The following KIAA1328 variants were observed in gnomAD, a reference collection of about 807,000 sequenced individuals.
The protein encoded by KIAA1328 is protein hinderin.
A neutral mutation model predicts 68.1 loss-of-function variants in KIAA1328; 52 were observed. That is an observed-to-expected ratio of 0.76 (90% CI 0.61 to 0.96). The LOEUF is 0.96. KIAA1328 is among the 40% of genes least tolerant of loss of function. KIAA1328 has a pLI of 0.00. For missense variants in KIAA1328, 641 were observed against 677.6 expected (o/e 0.95, Z 0.60); for synonymous variants, 232 against 239.4 (o/e 0.97, Z 0.28).
At chr18:37,000,834 T>C (rs967829724) in intron 6 of KIAA1328, among the ~76,000 whole-genome samples, 1 of 151,756 alleles carries the variant, frequency 6.6e-6, no homozygotes, top group East Asian at 1.9e-4. Flanking sequence ...TTAAAAAGAT[T>C]TGAAACAAAA....
intron 6 of KIAA1328, among the ~76,000 whole-genome samples, chr18:36,972,992 C>T (rs775934685): frequency 1.1e-4 from 17 of 152,028 alleles, no homozygotes; most frequent in East Asian, 3.9e-4. Context: ...AAGATGCTGC[C>T]GTGGTAGCTG....
At chr18:36,987,573 C>G (rs10460023) in intron 6 of KIAA1328, among the ~76,000 whole-genome samples, 1 of 151,510 alleles carries the variant, frequency 6.6e-6, no homozygotes. Context: ...TAATATAAAT[C>G]TCTAGAAAAA....
intron 7 of KIAA1328, among the ~76,000 whole-genome samples, chr18:37,155,163 C>T (rs746683719): frequency 1.2e-4 from 18 of 152,176 alleles, no homozygotes; most frequent in Non-Finnish European, 2.4e-4. Flanking sequence ...CACCTCTCTT[C>T]TCAATACCTG....
chr18:36,953,995 C>CTTTTTTTTTTTTTTTTTTTTTTT (rs71168249), intron 5 of KIAA1328, among the ~76,000 whole-genome samples: 3 of 113,548 alleles, frequency 2.6e-5, no homozygotes, highest in Non-Finnish European at 5.2e-5. Flanking sequence ...CTGATTGTTT[C>CTTTTTTTTTTTTTTTTTTTTTTT]TTTTTTTTTT....
intron 6 of KIAA1328, among the ~76,000 whole-genome samples, chr18:37,037,192 A>G (rs1177608914): frequency 6.6e-6 from 1 of 152,214 alleles, no homozygotes; most frequent in African/African-American, 2.4e-5. Flanking sequence ...TCCTCAAATC[A>G]AATGACTTTT....
intron 5 of KIAA1328, among the ~76,000 whole-genome samples, chr18:36,954,248 C>T (rs1456986266): frequency 2.6e-5 from 4 of 151,986 alleles, no homozygotes; most frequent in African/African-American, 4.8e-5. Flanking sequence ...GTGATCCACC[C>T]GCCTCGGCCT....
chr18:37,226,715 C>CTT (rs763991741), downstream of KIAA1328, among the ~76,000 whole-genome samples: 2,782 of 128,656 alleles, frequency 0.022, 39 homozygotes, highest in Non-Finnish European at 0.031. Context: ...GGGTTGTTCC[C>CTT]TTTTTTTTTT....
At chr18:37,227,991 G>GT (rs2060648231), downstream of KIAA1328, among the ~76,000 whole-genome samples, 1 of 152,154 alleles carries the variant, frequency 6.6e-6, no homozygotes. Context: ...ATTAACAGGA[G>GT]TTTGGAAGAA....
At chr18:37,001,315 G>A (rs1407439021) in intron 6 of KIAA1328, among the ~76,000 whole-genome samples, 1 of 152,006 alleles carries the variant, frequency 6.6e-6, no homozygotes, top group African/African-American at 2.4e-5. Flanking sequence ...TACCAAGATT[G>A]AATCAGGAAG....
At chr18:37,049,239 A>G (rs1245822962) in intron 6 of KIAA1328, among the ~76,000 whole-genome samples, 1 of 152,198 alleles carries the variant, frequency 6.6e-6, no homozygotes, top group Non-Finnish European at 1.5e-5. Context: ...AAAGTTCAAC[A>G]ATAAAGGAAT....
chr18:37,158,022 TTTTCTTTC>T (rs1051116991), intron 7 of KIAA1328, among the ~76,000 whole-genome samples: 1 of 151,812 alleles, frequency 6.6e-6, no homozygotes, highest in Non-Finnish European at 1.5e-5. Flanking sequence ...ATTCCTTTTT[TTTTCTTTC>T]TTTCTTTCTT....
At chr18:36,837,474 T>A (rs1253366305) in intron 3 of KIAA1328, among the ~76,000 whole-genome samples, 2 of 152,188 alleles carry the variant, frequency 1.3e-5, no homozygotes, top group African/African-American at 4.8e-5. Context: ...CTTTCTAAAT[T>A]CCATTTACAA....
chr18:36,840,759 A>G (rs1437832943), intron 3 of KIAA1328, among the ~76,000 whole-genome samples: 1 of 151,784 alleles, frequency 6.6e-6, no homozygotes. Flanking sequence ...CCATCTTGTG[A>G]TTTTTTTCTC....
At chr18:37,197,296 T>C (rs950201627) in intron 9 of KIAA1328, among the ~76,000 whole-genome samples, 3 of 152,150 alleles carry the variant, frequency 2.0e-5, no homozygotes, top group Non-Finnish European at 4.4e-5. Context: ...TCTTTAAAAA[T>C]TTTTTGTCTC....
chr18:36,985,792 GA>G (rs2151389123), intron 6 of KIAA1328, among the ~76,000 whole-genome samples: 1 of 152,210 alleles, frequency 6.6e-6, no homozygotes, highest in East Asian at 1.9e-4. Flanking sequence ...TGCAGCCGTG[GA>G]TTAGTCATAG....
intron 7 of KIAA1328, among the ~76,000 whole-genome samples, chr18:37,091,879 C>G (rs915834635): frequency 1.3e-5 from 2 of 152,176 alleles, no homozygotes; most frequent in East Asian, 3.9e-4. Flanking sequence ...AGCATGCGCT[C>G]CCCATAGCCT....
chr18:37,120,343 G>T (rs1224330778), intron 7 of KIAA1328, among the ~76,000 whole-genome samples: 1 of 152,056 alleles, frequency 6.6e-6, no homozygotes, highest in Non-Finnish European at 1.5e-5. Context: ...GTAATGTCAG[G>T]TGTTTTGTCA....
chr18:36,831,541 TTGAC>T (rs2046492260), intron 1 of KIAA1328, among the ~76,000 whole-genome samples: 1 of 152,214 alleles, frequency 6.6e-6, no homozygotes, highest in Non-Finnish European at 1.5e-5. Flanking sequence ...GTACCTAAAT[TTGAC>T]TGCTTAAATG....
intron 9 of KIAA1328, among the ~76,000 whole-genome samples, chr18:37,206,833 G>C (rs2060224973): frequency 6.6e-6 from 1 of 152,090 alleles, no homozygotes; most frequent in African/African-American, 2.4e-5. Context: ...AAATCATTCT[G>C]GTGATCTTGG....
Sources: allele counts gnomAD v4.1 joint callset (sites outside exome capture counted in the v4.1 genomes callset), GRCh38; gene constraint gnomAD v4.1.1; transcripts MANE v1.5; gene names NCBI Gene and HGNC (gene_info 2026-07-23, HGNC 2026-07-21).